The following PLXNA4 variants were observed in gnomAD, a reference collection of about 807,000 sequenced individuals.
PLXNA4 encodes the protein plexin-A4.
A neutral mutation model predicts 191.8 loss-of-function variants in PLXNA4; 44 were observed. That is an observed-to-expected ratio of 0.23 (90% CI 0.18 to 0.29). PLXNA4 has a LOEUF of 0.29. PLXNA4 is among the 10% of genes least tolerant of loss of function. The probability of loss-of-function intolerance (pLI) is 1.00; values close to 1 mark genes in which losing one functional copy is unlikely to be tolerated. For missense variants in PLXNA4, 1,800 were observed against 2,488.8 expected (o/e 0.72, Z 5.89); for synonymous variants, 1,082 against 1,009.5 (o/e 1.07, Z -1.36).
rs959106562 is a variant in PLXNA4 at position 132,618,322 on chromosome 7, C to T, written c.-87+27606G>A. On this transcript the variant is annotated intron_variant, in intron 2 of 4. Transcript: ENST00000378539. ...TACTGTTATTCTTCAGCATTCATCACGGTGCTGGGTGAATACCTGCTTACT... is the reference window on the plus strand; with the variant it reads ...TACTGTTATTCTTCAGCATTCATCATGGTGCTGGGTGAATACCTGCTTACT... Among the ~76,000 whole-genome samples the T allele has an allele frequency of 3.9e-5, 6 of 152,186 alleles. No individual in the cohort carries two copies. In the South Asian group the frequency reaches 6.2e-4, roughly 16 times the overall value.
In PLXNA4 at chr7:132,489,442, C is replaced by T. The variant is rs1585211969; in HGVS notation, c.1221G>A (p.Leu407=). 6.3e-7 allele frequency: 1 copy of T among 1,583,378 alleles called. No homozygotes were observed. The highest frequency in any genetic ancestry group is 2.3e-5 in the East Asian group (1 of 44,000). Residue 407 remains leucine (L), a synonymous_variant, in exon 3 of 32, where the codon CTG becomes CTA. Transcript: ENST00000321063. ...LLTIDDNFCG[L]DMNAPLGVSD... ...ACACTCCCAGGGGAGCATTCATGTC[C>T]AGGCCACAGAAGTTATCGTCAATGG...
At chr7:132,509,713 G>A (rs1053333608) in intron 1 of PLXNA4, among the ~76,000 whole-genome samples, 3 of 152,120 alleles carry the variant, frequency 2.0e-5, no homozygotes, top group African/African-American at 4.8e-5. Context: ...ATCCCTTCTC[G>A]GGGCTGTCCA....
intron 3 of PLXNA4, among the ~76,000 whole-genome samples, chr7:132,447,416 C>T (rs1795952161): frequency 6.6e-6 from 1 of 152,124 alleles, no homozygotes; most frequent in South Asian, 2.1e-4. Context: ...TTTTGATCTC[C>T]TAAGTACTGA....
intron 1 of PLXNA4, among the ~76,000 whole-genome samples, chr7:132,566,294 C>T (rs1585360296): frequency 6.6e-6 from 1 of 150,502 alleles, no homozygotes; most frequent in East Asian, 1.9e-4. Context: ...CCACACTCTC[C>T]CTCTCTCTCT....
At chr7:132,488,416 A>G (rs980848422) in intron 3 of PLXNA4, among the ~76,000 whole-genome samples, 6 of 152,248 alleles carry the variant, frequency 3.9e-5, no homozygotes, top group Admixed American at 6.5e-5. Flanking sequence ...TGAATCACAC[A>G]ATGTCCAGAG....
intron 4 of PLXNA4, among the ~76,000 whole-genome samples, chr7:132,293,404 G>A (rs1022843524): frequency 3.3e-5 from 5 of 152,218 alleles, no homozygotes; most frequent in Middle Eastern, 3.4e-3. Flanking sequence ...TAAAACCACC[G>A]GATCTTGTGA....
chr7:132,229,720 T>G (rs1218718409), intron 5 of PLXNA4, among the ~76,000 whole-genome samples: 1 of 151,886 alleles, frequency 6.6e-6, no homozygotes, highest in Non-Finnish European at 1.5e-5. Flanking sequence ...CAGCCAGGGA[T>G]AGGGAATCTA....
chr7:132,149,088 G>C (rs945817759), intron 25 of PLXNA4, among the ~76,000 whole-genome samples: 11 of 152,190 alleles, frequency 7.2e-5, no homozygotes, highest in Admixed American at 4.6e-4. Context: ...CTCAGTCACT[G>C]AACAGCCCCA....
intron 1 of PLXNA4, among the ~76,000 whole-genome samples, chr7:132,647,691 ACACT>A (rs958262629): frequency 2.3e-4 from 35 of 152,018 alleles, no homozygotes; most frequent in African/African-American, 7.7e-4. Context: ...ACTCACATAC[ACACT>A]CACAAACACA....
chr7:132,521,394 C>T (rs915805792), intron 1 of PLXNA4, among the ~76,000 whole-genome samples: 3 of 152,082 alleles, frequency 2.0e-5, no homozygotes, highest in African/African-American at 7.2e-5. Context: ...GCCAGAAGAA[C>T]ATGTCATACA....
upstream of PLXNA4, among the ~76,000 whole-genome samples, chr7:132,580,191 A>G (rs185659483): frequency 9.2e-5 from 14 of 152,322 alleles, no homozygotes; most frequent in Admixed American, 6.5e-4. Context: ...AGATGAATGT[A>G]TCTTTTTATT....
rs192709839 is a variant in PLXNA4, at chr7:132,440,099, G to A, written c.1371+49193C>T. On this transcript the variant is annotated intron_variant, in intron 3 of 31. Transcript: ENST00000321063. ...CATAATAGGGTCAATTACATTCTCC[G>A]ATTTCCCCACAAGTGAGGCAACAAA... Among the ~76,000 whole-genome samples, 7 of 152,098 alleles carry A rather than the reference G, an allele frequency of 4.6e-5. No homozygotes were observed. The East Asian group carries it at 7.7e-4, about 17-fold the overall frequency.
At chr7:132,325,624 G>T (rs778843344) in intron 3 of PLXNA4, among the ~76,000 whole-genome samples, 3 of 152,170 alleles carry the variant, frequency 2.0e-5, no homozygotes, top group Non-Finnish European at 4.4e-5. Flanking sequence ...GGCAAGGATG[G>T]CTGGCCACTA....
intron 13 of PLXNA4, among the ~76,000 whole-genome samples, chr7:132,197,534 T>C (rs1230692243): frequency 1.6e-4 from 24 of 152,180 alleles, no homozygotes; most frequent in Admixed American, 1.6e-3. Flanking sequence ...TTGGTTTCGT[T>C]CTAGAAAGGT....
chr7:132,249,595 G>A (rs948340845), intron 4 of PLXNA4, among the ~76,000 whole-genome samples: 14 of 152,194 alleles, frequency 9.2e-5, no homozygotes, highest in Admixed American at 3.3e-4. Flanking sequence ...GCGGGAGAGC[G>A]ATCCCCTTCC....
chr7:132,140,945 T>C (rs528266856), intron 29 of PLXNA4, 134 bp from the exon 30 acceptor site: 5 of 1,440,498 alleles, frequency 3.5e-6, no homozygotes, highest in Non-Finnish European at 4.6e-6. Context: ...ATGCTGCGGA[T>C]GGGATGTGCC....
intron 3 of PLXNA4, among the ~76,000 whole-genome samples, chr7:132,331,970 T>C (rs1229895227): frequency 2.6e-5 from 4 of 152,176 alleles, no homozygotes. Context: ...CTGGACAACC[T>C]TGGACAAGGC....
chr7:132,167,784 A>T (rs1796164148), intron 22 of PLXNA4, among the ~76,000 whole-genome samples: 1 of 152,204 alleles, frequency 6.6e-6, no homozygotes, highest in Admixed American at 6.5e-5. Flanking sequence ...CCTGGCCTCA[A>T]GAGATCCTCC....
chr7:132,216,958 A>C (rs1044782233), intron 9 of PLXNA4, among the ~76,000 whole-genome samples: 2 of 152,216 alleles, frequency 1.3e-5, no homozygotes, highest in African/African-American at 4.8e-5. Context: ...TTGGAGACAC[A>C]TGCATGCCAA....
Sources: allele counts gnomAD v4.1 joint callset (sites outside exome capture counted in the v4.1 genomes callset), GRCh38; gene constraint gnomAD v4.1.1; transcripts MANE v1.5; gene names NCBI Gene and HGNC (gene_info 2026-07-23, HGNC 2026-07-21).